The following AMPH variants were observed in gnomAD, a reference collection of about 807,000 sequenced individuals.
AMPH encodes amphiphysin, also known as amphiphysin (Stiff-Mann syndrome with breast cancer 128kD autoantigen).
Under a neutral mutation model 99.1 loss-of-function variants are expected in AMPH, and 49 were observed. The ratio of observed to expected loss-of-function variants is 0.49; its 90% CI spans 0.39 to 0.63. The LOEUF (loss-of-function observed/expected upper bound fraction) is 0.63, where lower values mean the gene tolerates loss of function less well. Among genes scored for constraint, AMPH ranks in the 20% least tolerant of loss-of-function variants. AMPH has a pLI of 0.00. For synonymous variants in AMPH, 314 were observed against 317.3 expected (o/e 0.99, Z 0.11); for missense variants, 759 against 863.4 (o/e 0.88, Z 1.52).
chr7:38,394,252 C>T, intron 17 of AMPH, 38 bp from the exon 18 acceptor site: 1 of 1,605,148 alleles, frequency 6.2e-7, no homozygotes, highest in African/African-American at 1.3e-5. Context: ...TCTGCATCTC[C>T]ATGGGCCTCT....
chr7:38,474,499 T>C (rs373894256), intron 7 of AMPH, among the ~76,000 whole-genome samples: 1 of 152,188 alleles, frequency 6.6e-6, no homozygotes, highest in Non-Finnish European at 1.5e-5. Context: ...AACTTTAGTA[T>C]AGACCCTCAA....
chr7:38,393,936 C>A lies in AMPH; in HGVS notation c.1608+69G>T, dbSNP rs1471620903. On this transcript the variant is annotated intron_variant, in intron 18 of 20. Coordinates refer to ENST00000356264, the MANE Select transcript of AMPH (RefSeq NM_001635.4). ...ACATCCAAAGAGTTATCACCATGAA[C>A]CAACCAACAGAGCACCCAGCCCATG... 3 of 1,509,160 alleles carry A rather than the reference C, an allele frequency of 2.0e-6. No homozygotes were observed. In the African/African-American group the frequency reaches 4.1e-5, roughly 21 times the overall value. The allele number at this position is 1,509,160 out of a possible 1,614,324, so 93.5% of individuals were successfully genotyped here. A position where few individuals can be genotyped will look rare whatever the true frequency, so the allele number is the denominator to read the frequency against.
At chr7:38,482,468 A>C (rs912914166) in intron 5 of AMPH, among the ~76,000 whole-genome samples, 1 of 152,166 alleles carries the variant, frequency 6.6e-6, no homozygotes. Flanking sequence ...TAAACTGAGA[A>C]GACCAGCCAA....
chr7:38,602,333 T>G (rs1793275492), intron 1 of AMPH, among the ~76,000 whole-genome samples: 1 of 152,200 alleles, frequency 6.6e-6, no homozygotes, highest in South Asian at 2.1e-4. Context: ...ACAAACTTTG[T>G]GGCTGGAAAC....
At chr7:38,532,047 T>C (rs536160415) in intron 2 of AMPH, among the ~76,000 whole-genome samples, 7 of 152,316 alleles carry the variant, frequency 4.6e-5, no homozygotes, top group South Asian at 4.1e-4. Flanking sequence ...ACATGCAAAT[T>C]GATCACCAAT....
At chr7:38,609,931 T>C (rs77260004) in intron 1 of AMPH, among the ~76,000 whole-genome samples, 3,119 of 151,824 alleles carry the variant, frequency 0.021, 43 homozygotes, top group Non-Finnish European at 0.03. Flanking sequence ...AAGCACATAA[T>C]ATAAAAGAAA....
chr7:38,575,290 G>T (rs1792196763), intron 1 of AMPH, among the ~76,000 whole-genome samples: 2 of 151,910 alleles, frequency 1.3e-5, no homozygotes, highest in African/African-American at 4.8e-5. Flanking sequence ...ATTAATACTG[G>T]TATAATTAAA....
chr7:38,428,005 G>T (rs1562746619), intron 14 of AMPH: 1 of 456,616 alleles, frequency 2.2e-6, no homozygotes. Flanking sequence ...GCTATCTCCT[G>T]GCTTTGTTCC....
chr7:38,530,586 A>G (rs1790359763), intron 2 of AMPH, among the ~76,000 whole-genome samples: 1 of 152,216 alleles, frequency 6.6e-6, no homozygotes, highest in Non-Finnish European at 1.5e-5. Flanking sequence ...TCTGGGCTCA[A>G]CCAGCCCTCA....
chr7:38,406,397 A>G (rs1784985186), intron 17 of AMPH, among the ~76,000 whole-genome samples: 1 of 152,238 alleles, frequency 6.6e-6, no homozygotes, highest in African/African-American at 2.4e-5. Flanking sequence ...TGAAAATTAA[A>G]AAAAATCTTA....
intron 6 of AMPH, 136 bp from the exon 7 acceptor site, chr7:38,475,552 A>G (rs1242545971): frequency 8.3e-6 from 5 of 603,234 alleles, no homozygotes; most frequent in Non-Finnish European, 1.4e-5. Flanking sequence ...GGTTAAAAGC[A>G]TATCCTTGTT....
intron 2 of AMPH, among the ~76,000 whole-genome samples, chr7:38,519,794 A>T (rs1789882976): frequency 1.3e-5 from 2 of 152,182 alleles, no homozygotes; most frequent in Non-Finnish European, 2.9e-5. Context: ...GTAAATGACA[A>T]TATAAAAAGA....
intron 5 of AMPH, among the ~76,000 whole-genome samples, chr7:38,482,967 G>A (rs780525465): frequency 6.6e-6 from 1 of 152,042 alleles, no homozygotes; most frequent in Non-Finnish European, 1.5e-5. Flanking sequence ...CCAGAAACTC[G>A]TTGAATAGCT....
intron 1 of AMPH, among the ~76,000 whole-genome samples, chr7:38,552,901 G>A (rs1240149845): frequency 6.6e-6 from 1 of 152,186 alleles, no homozygotes; most frequent in African/African-American, 2.4e-5. Context: ...AGACCTCCCA[G>A]AGACAAAGAT....
At chr7:38,487,326 T>C (rs1303884601) in intron 5 of AMPH, among the ~76,000 whole-genome samples, 1 of 152,074 alleles carries the variant, frequency 6.6e-6, no homozygotes, top group Non-Finnish European at 1.5e-5. Context: ...AAAAGAGATA[T>C]ATAGACCAAT....
At chr7:38,629,513 C>A (rs1448111742) in intron 1 of AMPH, among the ~76,000 whole-genome samples, 2 of 149,954 alleles carry the variant, frequency 1.3e-5, no homozygotes, top group African/African-American at 4.8e-5. Flanking sequence ...TTTGACAATT[C>A]ACAGGACTTG....
At chr7:38,429,304 C>A (rs543508103) in intron 14 of AMPH, 2 of 1,287,280 alleles carry the variant, frequency 1.6e-6, no homozygotes, top group South Asian at 1.2e-5. Context: ...GGCCCCGGGG[C>A]ATGCTCACTC....
intron 11 of AMPH, among the ~76,000 whole-genome samples, chr7:38,444,814 G>A (rs575961048): frequency 6.6e-6 from 1 of 151,856 alleles, no homozygotes; most frequent in African/African-American, 2.4e-5. Context: ...AAATTCAAAG[G>A]ACCTAGAATA....
At chr7:38,589,880 C>T (rs1003244040) in intron 1 of AMPH, among the ~76,000 whole-genome samples, 1 of 152,150 alleles carries the variant, frequency 6.6e-6, no homozygotes, top group Non-Finnish European at 1.5e-5. Context: ...TTAGAGATCA[C>T]TTAAAACAAT....
Sources: gnomAD v4.1 joint callset for allele counts (sites outside exome capture counted in the v4.1 genomes callset) on GRCh38, gnomAD v4.1.1 for gene constraint, MANE v1.5 for transcripts, NCBI Gene and HGNC (gene_info 2026-07-23, HGNC 2026-07-21) for gene names.